CLASP2: variants seen among roughly 807,000 people sequenced by gnomAD.
CLASP2 encodes the protein CLIP-associating protein 2.
In CLASP2, 47 loss-of-function variants were observed where a neutral mutation model predicts 194.4. The ratio of observed to expected loss-of-function variants is 0.24; its 90% CI spans 0.19 to 0.31. The LOEUF (loss-of-function observed/expected upper bound fraction) is 0.31. CLASP2 is among the 10% of genes least tolerant of loss of function. CLASP2 has a pLI of 1.00. For synonymous variants in CLASP2, 619 were observed against 633.5 expected (o/e 0.98, Z 0.34); for missense variants, 1,445 against 1,823.6 (o/e 0.79, Z 3.78).
intron 23 of CLASP2, among the ~76,000 whole-genome samples, chr3:33,577,997 A>C (rs115005261): frequency 0.019 from 2,927 of 152,312 alleles, 52 homozygotes; most frequent in African/African-American, 0.045. Flanking sequence ...TTATTTTGTT[A>C]CAGTAGCCTG....
chr3:33,513,841 T>C (rs1024268152), intron 36 of CLASP2, among the ~76,000 whole-genome samples: 1 of 152,224 alleles, frequency 6.6e-6, no homozygotes, highest in South Asian at 2.1e-4. Flanking sequence ...GGGCCATCTT[T>C]TCATTGCTGA....
chr3:33,690,933 G>A (rs1483319944), intron 2 of CLASP2, among the ~76,000 whole-genome samples: 1 of 152,156 alleles, frequency 6.6e-6, no homozygotes, highest in Non-Finnish European at 1.5e-5. Flanking sequence ...CAGTGGCAGG[G>A]GGTGGGGAGG....
chr3:33,521,607 A>G (rs2053115854), intron 34 of CLASP2, among the ~76,000 whole-genome samples: 1 of 152,230 alleles, frequency 6.6e-6, no homozygotes, highest in African/African-American at 2.4e-5. Context: ...ACTGGAGGAG[A>G]AGAACACTGA....
chr3:33,644,626 G>T, intron 8 of CLASP2, 131 bp downstream of exon 8: 1 of 917,982 alleles, frequency 1.1e-6, no homozygotes, highest in Non-Finnish European at 1.7e-6. Flanking sequence ...TCTTCTGAAT[G>T]TTGCAACAGA....
intron 6 of CLASP2, among the ~76,000 whole-genome samples, chr3:33,679,795 G>A (rs2089479178): frequency 6.6e-6 from 1 of 152,134 alleles, no homozygotes; most frequent in South Asian, 2.1e-4. Context: ...AATACAAAAT[G>A]GTACAAGCAC....
At chr3:33,606,182 T>C (rs2073807865) in intron 16 of CLASP2, among the ~76,000 whole-genome samples, 1 of 152,008 alleles carries the variant, frequency 6.6e-6, no homozygotes, top group Admixed American at 6.6e-5. Context: ...TTTCCTGAAT[T>C]TTTAAGCTGT....
chr3:33,607,838 T>C (rs1435486219), intron 14 of CLASP2, among the ~76,000 whole-genome samples: 1 of 152,210 alleles, frequency 6.6e-6, no homozygotes, highest in Non-Finnish European at 1.5e-5. Context: ...GTGTGATCAA[T>C]TGTGATCTGA....
chr3:33,607,926 T>A (rs1002490498), intron 14 of CLASP2, among the ~76,000 whole-genome samples: 1 of 152,136 alleles, frequency 6.6e-6, no homozygotes, highest in Non-Finnish European at 1.5e-5. Flanking sequence ...AAAAAACAAA[T>A]TCTATTTTTT....
intron 34 of CLASP2, among the ~76,000 whole-genome samples, chr3:33,527,385 A>G (rs911649639): frequency 1.3e-5 from 2 of 152,204 alleles, no homozygotes; most frequent in Non-Finnish European, 2.9e-5. Flanking sequence ...AAATTCCTGG[A>G]CACATACACC....
At chr3:33,575,551 T>A (rs1456488509) in intron 24 of CLASP2, among the ~76,000 whole-genome samples, 1 of 152,106 alleles carries the variant, frequency 6.6e-6, no homozygotes, top group Non-Finnish European at 1.5e-5. Context: ...CCAAAGCCAA[T>A]TACATACATT....
chr3:33,596,706 C>A lies in CLASP2; in HGVS notation c.1948+5G>T. On this transcript the variant is annotated splice_donor_5th_base_variant and intron_variant, in intron 19 of 38. Coordinates refer to ENST00000682230, the MANE Select transcript of CLASP2 (RefSeq NM_001365631.1). Reference sequence around the variant, plus strand: ...TTTAGTAGAATTAGGAAAGGAAGTTCTTACCATCCAGCTTGTCAGAAGTAT... The same window carrying A: ...TTTAGTAGAATTAGGAAAGGAAGTTATTACCATCCAGCTTGTCAGAAGTAT... 6.4e-7 allele frequency: 1 copy of A among 1,565,910 alleles called. No individual in the cohort carries two copies. Among genetic ancestry groups the A allele is most frequent in the Non-Finnish European group, 8.7e-7 (1 of 1,152,828 alleles).
At chr3:33,515,882 G>T in intron 36 of CLASP2, 141 bp downstream of exon 36, 2 of 689,118 alleles carry the variant, frequency 2.9e-6, no homozygotes, top group Non-Finnish European at 2.2e-6. Context: ...AAAAAAATAT[G>T]CTTGCATCTC....
chr3:33,628,828 C>G (rs558635200), intron 9 of CLASP2, among the ~76,000 whole-genome samples: 1 of 151,908 alleles, frequency 6.6e-6, no homozygotes, highest in African/African-American at 2.4e-5. Context: ...CCAGAACTAA[C>G]CCTTAAGAAA....
intron 12 of CLASP2, among the ~76,000 whole-genome samples, chr3:33,614,320 G>C (rs944464213): frequency 6.6e-6 from 1 of 152,020 alleles, no homozygotes; most frequent in African/African-American, 2.4e-5. Flanking sequence ...GAGACAAGAA[G>C]TTATTCAAAA....
Position 33,573,345 on chromosome 3 carries a change from C to G in CLASP2, c.2464G>C (p.Ala822Pro). The G allele has an allele frequency of 6.2e-7, 1 of 1,613,476 alleles. No homozygotes were observed. Among genetic ancestry groups the G allele is most frequent in the Non-Finnish European group, 8.5e-7 (1 of 1,179,652 alleles). ...CCATATGATTCATATCTTCTTCGAGCTGGTTTTTTCTGTTATACATCAAGA... is the reference window on the plus strand; with the variant it reads ...CCATATGATTCATATCTTCTTCGAGGTGGTTTTTTCTGTTATACATCAAGA... ...EAVADALKKPARRRYESYGMH... is the reference protein window; with the variant it reads ...EAVADALKKPPRRRYESYGMH... The change falls in exon 25 of 39, where the codon GCT (alanine) becomes CCT (proline). Residue 822 changes from alanine to proline, a missense_variant. By Grantham distance (27) the Ala-to-Pro change is conservative. Coordinates refer to ENST00000682230, the MANE Select transcript of CLASP2 (RefSeq NM_001365631.1).
At chr3:33,543,846 T>C (rs539291664) in intron 31 of CLASP2, among the ~76,000 whole-genome samples, 1 of 152,298 alleles carries the variant, frequency 6.6e-6, no homozygotes, top group South Asian at 2.1e-4. Context: ...ATTTCCTTCT[T>C]CTAACCATTA....
chr3:33,663,277 C>CA (rs1403933216), intron 7 of CLASP2, among the ~76,000 whole-genome samples, 168 bp downstream of exon 7: 1 of 150,176 alleles, frequency 6.7e-6, no homozygotes, highest in Admixed American at 6.6e-5. Context: ...CCAAAAGAAT[C>CA]AGAGGATAGA....
chr3:33,516,875 G>A (rs574558157), intron 35 of CLASP2, 106 bp downstream of exon 35: 1 of 971,316 alleles, frequency 1.0e-6, no homozygotes, highest in Non-Finnish European at 1.6e-6. Context: ...AGCAGCAGCA[G>A]AAGAGATTCA....
In CLASP2 at chr3:33,517,074, A is replaced by C. The variant is rs1034868744; in HGVS notation, c.3888T>G (p.Leu1296=). The change falls in exon 35 of 39, where the codon CTT becomes CTG. Residue 1296 remains leucine, a synonymous_variant. Transcript: ENST00000682230. ...VEERKIALYE[L]MKLTQEESFS... is the part of the protein sequence containing the mutation. ...AAGATTCTTCCTGTGTCAGTTTCAT[A>C]AGTTCATAGAGGGCAATTTTTCTTT... 1 of 1,613,736 alleles carries C rather than the reference A, an allele frequency of 6.2e-7. No homozygotes were observed. Among genetic ancestry groups the C allele is most frequent in the South Asian group, 1.1e-5 (1 of 91,060 alleles).
Sources: allele counts gnomAD v4.1 joint callset (sites outside exome capture counted in the v4.1 genomes callset), GRCh38; gene constraint gnomAD v4.1.1; transcripts MANE v1.5; gene names NCBI Gene and HGNC (gene_info 2026-07-23, HGNC 2026-07-21).